Variants in CDH4 observed in about 807,000 individuals in gnomAD.
CDH4 encodes the protein cadherin-4.
Under a neutral mutation model 86.0 loss-of-function variants are expected in CDH4, and 33 were observed. That is an observed-to-expected ratio of 0.38 (90% CI 0.29 to 0.51). CDH4 has a LOEUF of 0.51. Ranked by LOEUF, CDH4 falls within the 20% of genes least tolerant of loss-of-function variation. The probability of loss-of-function intolerance (pLI) is 0.86; values close to 1 mark genes in which losing one functional copy is unlikely to be tolerated. For synonymous variants in CDH4, 555 were observed against 549.4 expected (o/e 1.01, Z -0.14); for missense variants, 1,114 against 1,307.4 (o/e 0.85, Z 2.28).
At chr20:61,631,801 T>C (rs2086891140) in intron 2 of CDH4, among the ~76,000 whole-genome samples, 1 of 152,202 alleles carries the variant, frequency 6.6e-6, no homozygotes, top group South Asian at 2.1e-4. Flanking sequence ...GGGAAGTGGC[T>C]GAAGGTGTGG....
chr20:61,286,047 G>A (rs538652104), intron 2 of CDH4, among the ~76,000 whole-genome samples: 4 of 152,206 alleles, frequency 2.6e-5, no homozygotes, highest in African/African-American at 4.8e-5. Flanking sequence ...TAAGTATTGC[G>A]CTCTGGATGT....
chr20:61,859,389 T>C (rs985346316), intron 6 of CDH4, among the ~76,000 whole-genome samples: 1 of 152,160 alleles, frequency 6.6e-6, no homozygotes, highest in Non-Finnish European at 1.5e-5. Flanking sequence ...AGCGAAAGTG[T>C]TTAATTTGGA....
intron 2 of CDH4, among the ~76,000 whole-genome samples, chr20:61,641,062 C>G (rs546136654): frequency 6.6e-6 from 1 of 151,974 alleles, no homozygotes; most frequent in South Asian, 2.1e-4. Flanking sequence ...GGGACGTGCA[C>G]CTCCATGTTT....
chr20:61,334,542 GT>G (rs1228797161), intron 2 of CDH4, among the ~76,000 whole-genome samples: 3 of 152,228 alleles, frequency 2.0e-5, no homozygotes, highest in Non-Finnish European at 4.4e-5. Flanking sequence ...TTCGGCATCT[GT>G]TCGGCCTCTT....
intron 2 of CDH4, among the ~76,000 whole-genome samples, chr20:61,630,178 C>A (rs191279678): frequency 1.1e-3 from 173 of 152,330 alleles, no homozygotes; most frequent in African/African-American, 4.0e-3. Flanking sequence ...CCATCCCCAG[C>A]CAGCCCAGTC....
chr20:61,936,382 CA>C (rs1354390108), intron 15 of CDH4, among the ~76,000 whole-genome samples: 17 of 10,380 alleles, frequency 1.6e-3, no homozygotes, highest in Admixed American at 6.6e-3. Flanking sequence ...CCTTCCCCCA[CA>C]CCCCCTCCCC....
chr20:61,840,525 G>T (rs1471669514), intron 4 of CDH4, among the ~76,000 whole-genome samples: 1 of 152,210 alleles, frequency 6.6e-6, no homozygotes, highest in Non-Finnish European at 1.5e-5. Flanking sequence ...GCGGAGTCCC[G>T]TAAGTTATTT....
At chr20:61,450,402 T>C (rs2085373123) in intron 2 of CDH4, among the ~76,000 whole-genome samples, 3 of 152,188 alleles carry the variant, frequency 2.0e-5, no homozygotes, top group Non-Finnish European at 4.4e-5. Flanking sequence ...CTGTTCTCCA[T>C]GCCTTTTTAA....
At chr20:61,314,771 T>C (rs1411580886) in intron 2 of CDH4, among the ~76,000 whole-genome samples, 1 of 152,184 alleles carries the variant, frequency 6.6e-6, no homozygotes, top group African/African-American at 2.4e-5. Context: ...TTCCCTTTTC[T>C]CCACGTCCTC....
At chr20:61,691,371 ATGTG>A (rs1032392384) in intron 2 of CDH4, among the ~76,000 whole-genome samples, 1 of 149,112 alleles carries the variant, frequency 6.7e-6, no homozygotes, top group African/African-American at 2.5e-5. Flanking sequence ...GCATGTGCAT[ATGTG>A]TGTGTATTTG....
chr20:61,389,709 G>A (rs543258376), intron 2 of CDH4, among the ~76,000 whole-genome samples: 94 of 148,466 alleles, frequency 6.3e-4, no homozygotes, highest in African/African-American at 2.2e-3. Context: ...AGAACAATTG[G>A]CACCTGGTGG....
chr20:61,657,566 A>G (rs1214486298), intron 2 of CDH4, among the ~76,000 whole-genome samples: 1 of 152,214 alleles, frequency 6.6e-6, no homozygotes, highest in African/African-American at 2.4e-5. Context: ...GATGGGGAAA[A>G]CGTGGGGCAG....
intron 2 of CDH4, among the ~76,000 whole-genome samples, chr20:61,284,102 G>A (rs1242432069): frequency 4.0e-5 from 6 of 151,064 alleles, no homozygotes; most frequent in Admixed American, 4.0e-4. Flanking sequence ...TCAGGAGATC[G>A]AGACCATCCT....
intron 2 of CDH4, among the ~76,000 whole-genome samples, chr20:61,488,724 A>C (rs1042891709): frequency 6.6e-6 from 1 of 152,144 alleles, no homozygotes; most frequent in Non-Finnish European, 1.5e-5. Flanking sequence ...AATGCTTTTG[A>C]TAATGTTTTT....
rs10641053 is a variant in CDH4 at position 61,602,694 on chromosome 20, TAAAAAAAAAAAA to T, written c.170-140854_170-140843del. On this transcript the variant is annotated intron_variant, in intron 2 of 15. Coordinates refer to ENST00000614565, the MANE Select transcript of CDH4 (RefSeq NM_001794.5). ...TGCTGGGTTTATACATTCACTTTATTAAAAAAAAAAAAAAAAAAAAAAAAAACTTGAGCACCT... is the reference window on the plus strand; with the variant it reads ...TGCTGGGTTTATACATTCACTTTATTAAAAAAAAAAAAAACTTGAGCACCT... 9.3e-4 allele frequency among the ~76,000 whole-genome samples: 83 copies of T among 89,130 alleles called. 1 individual carries two copies. The South Asian group carries it at 0.043, about 46-fold the overall frequency. 58.5% of individuals were successfully genotyped at this position (89,130 alleles called of 152,430 possible).
intron 4 of CDH4, among the ~76,000 whole-genome samples, chr20:61,793,685 C>A (rs1377580870): frequency 6.6e-6 from 1 of 151,608 alleles, no homozygotes. Flanking sequence ...ACTAAAAATA[C>A]AAAAATTAGC....
intron 9 of CDH4, among the ~76,000 whole-genome samples, chr20:61,920,963 A>ATGG (rs2054974467): frequency 6.3e-5 from 8 of 126,278 alleles, no homozygotes; most frequent in Middle Eastern, 7.9e-3. Flanking sequence ...GCATGGAAGC[A>ATGG]TGTCATGGTG....
At chr20:61,339,060 A>C (rs1033921661) in intron 2 of CDH4, among the ~76,000 whole-genome samples, 1 of 152,230 alleles carries the variant, frequency 6.6e-6, no homozygotes, top group East Asian at 1.9e-4. Context: ...ACACGCACAC[A>C]CCCCCCATAT....
chr20:61,549,447 GGAGCGT>G (rs1195860356), intron 2 of CDH4, among the ~76,000 whole-genome samples: 1 of 149,608 alleles, frequency 6.7e-6, no homozygotes, highest in Non-Finnish European at 1.5e-5. Context: ...TGCTAAACTG[GGAGCGT>G]CTTTTTAAAA....
Sources: allele counts gnomAD v4.1 joint callset (sites outside exome capture counted in the v4.1 genomes callset), GRCh38; gene constraint gnomAD v4.1.1; transcripts MANE v1.5; gene names NCBI Gene and HGNC (gene_info 2026-07-23, HGNC 2026-07-21).